Variants in TPRG1 observed in about 807,000 individuals in gnomAD.
The protein encoded by TPRG1 is tumor protein p63-regulated gene 1 protein.
In TPRG1, 29 loss-of-function variants were observed where a neutral mutation model predicts 29.3. The observed-to-expected ratio is 0.99, with a 90% CI of 0.74 to 1.35. TPRG1 has a LOEUF of 1.35. Ranked by LOEUF, TPRG1 falls within the 40% of genes most tolerant of loss-of-function variation. TPRG1 has a pLI of 0.00. For missense variants in TPRG1, 327 were observed against 335.0 expected, an observed-to-expected ratio of 0.98 and a Z score of 0.19; for synonymous variants, 130 against 116.8, an observed-to-expected ratio of 1.11 and a Z score of -0.73.
In TPRG1 at chr3:189,005,104, G is replaced by A. The variant is rs180908862; in HGVS notation, c.-660+344G>A. Among the ~76,000 whole-genome samples the A allele has an allele frequency of 4.2e-3, 635 of 152,194 alleles. 3 individuals are homozygous for A. Among genetic ancestry groups the A allele is most frequent in the Non-Finnish European group, 7.0e-3 (474 of 67,994 alleles). ...GTAGAAGAATGATTACCAGAGGCTG[G>A]GAAGGGTAGTAATGGGCTGGGAGGG... On this transcript the variant is annotated intron_variant, in intron 3 of 10. Transcript: ENST00000433971.
chr3:189,162,173 T>C (rs1315058463), intron 5 of TPRG1, among the ~76,000 whole-genome samples: 1 of 151,992 alleles, frequency 6.6e-6, no homozygotes, highest in Admixed American at 6.6e-5. Context: ...TTTTGTAGTT[T>C]TTAGTAGAGA....
chr3:189,059,992 G>A (rs997168969), intron 4 of TPRG1, among the ~76,000 whole-genome samples: 2 of 152,202 alleles, frequency 1.3e-5, no homozygotes, highest in Non-Finnish European at 2.9e-5. Context: ...CAGCACTTTG[G>A]GAGACCGAAG....
chr3:189,115,686 T>C (rs1280505463), intron 1 of TPRG1, among the ~76,000 whole-genome samples: 1 of 152,242 alleles, frequency 6.6e-6, no homozygotes, highest in Non-Finnish European at 1.5e-5. Context: ...ACATGGTCTC[T>C]AAATTGTATT....
chr3:189,196,032 C>G (rs1732481422), intron 1 of TPRG1, among the ~76,000 whole-genome samples: 1 of 152,174 alleles, frequency 6.6e-6, no homozygotes, highest in Admixed American at 6.5e-5. Context: ...TCACCTCTCT[C>G]AGAGAGCAGG....
chr3:189,230,317 A>T (rs1738442365), intron 3 of TPRG1, among the ~76,000 whole-genome samples: 1 of 152,188 alleles, frequency 6.6e-6, no homozygotes, highest in Non-Finnish European at 1.5e-5. Flanking sequence ...AGAGTCAGCT[A>T]GCTGGATTCT....
chr3:189,029,909 A>C (rs1402667618), intron 4 of TPRG1, among the ~76,000 whole-genome samples: 1 of 152,174 alleles, frequency 6.6e-6, no homozygotes, highest in Non-Finnish European at 1.5e-5. Context: ...AAGCTTCCTG[A>C]GGCCGCACCA....
intron 4 of TPRG1, among the ~76,000 whole-genome samples, chr3:189,242,545 C>T (rs959039551): frequency 6.6e-6 from 1 of 151,970 alleles, no homozygotes; most frequent in Admixed American, 6.5e-5. Context: ...AATTTTTGTG[C>T]CTGTGTTCAT....
At chr3:189,313,426 G>T (rs1274620703) in intron 5 of TPRG1, among the ~76,000 whole-genome samples, 1 of 152,082 alleles carries the variant, frequency 6.6e-6, no homozygotes, top group Non-Finnish European at 1.5e-5. Flanking sequence ...TCTGATGAAT[G>T]AAATAGGAAA....
In TPRG1 at chr3:189,247,384, G is replaced by A. The variant is rs187246591; in HGVS notation, c.479+8475G>A. Among the ~76,000 whole-genome samples, 32 of 151,812 alleles carry A rather than the reference G, an allele frequency of 2.1e-4. No individual in the cohort carries two copies. The East Asian group carries it at 5.6e-3, about 27-fold the overall frequency. On this transcript the variant is annotated intron_variant, in intron 4 of 5. Coordinates refer to ENST00000345063, the MANE Select transcript of TPRG1 (RefSeq NM_198485.4). ...TATAAGCATAGTTTCTTTTACCTAA[G>A]TTAGCATAATTACAATAATTGCTTT...
chr3:189,172,781 A>G (rs983200023), intron 1 of TPRG1, among the ~76,000 whole-genome samples: 5 of 152,320 alleles, frequency 3.3e-5, no homozygotes, highest in African/African-American at 1.2e-4. Flanking sequence ...TGATAGGCAA[A>G]TGAGACAGCG....
At chr3:189,235,966 A>G (rs747051521) in intron 3 of TPRG1, among the ~76,000 whole-genome samples, 18 of 152,188 alleles carry the variant, frequency 1.2e-4, no homozygotes, top group Non-Finnish European at 1.5e-5. Context: ...CAAACACAAT[A>G]TATCTTTATT....
At chr3:189,079,608 T>G (rs1717450013) in intron 4 of TPRG1, among the ~76,000 whole-genome samples, 2 of 152,228 alleles carry the variant, frequency 1.3e-5, no homozygotes, top group Admixed American at 1.3e-4. Flanking sequence ...CACACAAATA[T>G]GCACACTCAT....
chr3:189,050,150 G>C (rs986037830), intron 4 of TPRG1, among the ~76,000 whole-genome samples: 5 of 151,964 alleles, frequency 3.3e-5, no homozygotes, highest in African/African-American at 1.2e-4. Flanking sequence ...ACAAAAAGCT[G>C]GTTCTTTGAA....
At chr3:189,022,772 G>A (rs948618228) in intron 3 of TPRG1, among the ~76,000 whole-genome samples, 42 of 152,220 alleles carry the variant, frequency 2.8e-4, no homozygotes, top group African/African-American at 8.0e-4. Context: ...GGAACTTCCC[G>A]GCTGCTTTGT....
chr3:189,312,170 T>C (rs1240870688), intron 5 of TPRG1, among the ~76,000 whole-genome samples: 7 of 79,380 alleles, frequency 8.8e-5, no homozygotes, highest in South Asian at 5.6e-4. Context: ...TCTTTCTTTC[T>C]TTCTTTCTTT....
intron 1 of TPRG1, among the ~76,000 whole-genome samples, chr3:189,172,576 A>G (rs1728946765): frequency 6.6e-6 from 1 of 152,236 alleles, no homozygotes; most frequent in African/African-American, 2.4e-5. Flanking sequence ...CCCAAAAGCC[A>G]AAAGAAGTGA....
intron 1 of TPRG1, among the ~76,000 whole-genome samples, chr3:189,199,515 C>T (rs1733102249): frequency 6.6e-6 from 1 of 152,126 alleles, no homozygotes; most frequent in African/African-American, 2.4e-5. Flanking sequence ...GACCGGGAAA[C>T]CCACCCATGA....
chr3:189,063,155 A>G (rs1164537647), intron 4 of TPRG1, among the ~76,000 whole-genome samples: 1 of 152,118 alleles, frequency 6.6e-6, no homozygotes, highest in Non-Finnish European at 1.5e-5. Flanking sequence ...GAAAATTACT[A>G]GAGAAAAAGT....
At chr3:189,268,701 A>T (rs1429326545) in intron 4 of TPRG1, among the ~76,000 whole-genome samples, 1 of 152,206 alleles carries the variant, frequency 6.6e-6, no homozygotes, top group Non-Finnish European at 1.5e-5. Context: ...TCTTCTAGGG[A>T]AGGGCTCCTA....
Sources: allele counts gnomAD v4.1 joint callset (sites outside exome capture counted in the v4.1 genomes callset), GRCh38; gene constraint gnomAD v4.1.1; transcripts MANE v1.5; gene names NCBI Gene and HGNC (gene_info 2026-07-23, HGNC 2026-07-21).